The following COMMD10 variants were observed in gnomAD, a reference collection of about 807,000 sequenced individuals.
COMMD10 encodes COMM domain-containing protein 10.
In COMMD10, 33 loss-of-function variants were observed where a neutral mutation model predicts 28.9. The observed-to-expected ratio is 1.14, with a 90% CI of 0.87 to 1.53. The LOEUF is 1.53. Ranked by LOEUF, COMMD10 falls within the 40% of genes most tolerant of loss-of-function variation. The probability of loss-of-function intolerance (pLI) is 0.00; values close to 1 mark genes in which losing one functional copy is unlikely to be tolerated. For missense variants in COMMD10, 310 were observed against 233.4 expected, an observed-to-expected ratio of 1.33 and a Z score of -2.14; for synonymous variants, 110 against 81.7, an observed-to-expected ratio of 1.35 and a Z score of -1.87.
At chr5:116,146,989 A>G (rs11958647) in intron 5 of COMMD10, among the ~76,000 whole-genome samples, 29,666 of 151,830 alleles carry the variant, frequency 0.2, 4,535 homozygotes, top group African/African-American at 0.44. Context: ...AAAATGCTTT[A>G]AGGATTTAAT....
chr5:116,135,582 C>G (rs550509731), intron 5 of COMMD10, among the ~76,000 whole-genome samples: 1 of 152,250 alleles, frequency 6.6e-6, no homozygotes, highest in South Asian at 2.1e-4. Context: ...CGGTCAACTG[C>G]CGTTTGAAAT....
At chr5:116,283,026 C>T (rs998555658) in intron 5 of COMMD10, among the ~76,000 whole-genome samples, 2 of 151,892 alleles carry the variant, frequency 1.3e-5, no homozygotes, top group African/African-American at 4.9e-5. Flanking sequence ...TTCTGTAGAA[C>T]CAAGAATGGA....
chr5:116,144,786 G>A (rs1003711166), intron 5 of COMMD10, among the ~76,000 whole-genome samples: 1 of 151,848 alleles, frequency 6.6e-6, no homozygotes, highest in Non-Finnish European at 1.5e-5. Flanking sequence ...AAGAATATGA[G>A]GTGAGAGTGG....
intron 1 of COMMD10, chr5:116,085,450 G>A (rs1750062090): frequency 3.5e-6 from 1 of 289,124 alleles, no homozygotes; most frequent in Non-Finnish European, 6.5e-6. Context: ...ACGGTATTCC[G>A]TTTCCGATTT....
chr5:116,222,843 C>T (rs1223826568), intron 5 of COMMD10, among the ~76,000 whole-genome samples: 1 of 152,070 alleles, frequency 6.6e-6, no homozygotes, highest in African/African-American at 2.4e-5. Context: ...AGTTACATGC[C>T]ACCACGCCTG....
At chr5:116,255,959 T>C (rs890695846) in intron 5 of COMMD10, 2 of 151,636 alleles carry the variant, frequency 1.3e-5, no homozygotes, top group Non-Finnish European at 2.9e-5. Context: ...TTAGATCCAC[T>C]CTTAATTTTT....
chr5:116,271,476 C>G lies in COMMD10; in HGVS notation c.511-20041C>G, dbSNP rs189218696. On this transcript the variant is annotated intron_variant, in intron 5 of 6. Coordinates refer to ENST00000274458, the MANE Select transcript of COMMD10 (RefSeq NM_016144.4). ...TATACTTTTGTTTCCTATCTCAAAT[C>G]TAGTTTCTATTATGTAAGTATAAGT... 1.3e-5 allele frequency among the ~76,000 whole-genome samples: 2 copies of G among 151,516 alleles called. 1 individual carries two copies. The highest frequency in any genetic ancestry group is 4.9e-5 in the African/African-American group (2 of 41,108).
intron 5 of COMMD10, among the ~76,000 whole-genome samples, chr5:116,199,354 T>G (rs1369972224): frequency 6.6e-6 from 1 of 152,162 alleles, no homozygotes; most frequent in Non-Finnish European, 1.5e-5. Flanking sequence ...TGGATAACAT[T>G]CCTTTATATC....
At chr5:116,091,634 C>T (rs1750300271) in intron 3 of COMMD10, among the ~76,000 whole-genome samples, 1 of 152,024 alleles carries the variant, frequency 6.6e-6, no homozygotes, top group Non-Finnish European at 1.5e-5. Flanking sequence ...GAGCTGTGAC[C>T]CCTTATACTT....
At chr5:116,182,724 A>G (rs1748012657) in intron 5 of COMMD10, among the ~76,000 whole-genome samples, 2 of 152,118 alleles carry the variant, frequency 1.3e-5, no homozygotes, top group South Asian at 4.1e-4. Context: ...AGTGGAAAAA[A>G]TCAGGTTGTC....
At chr5:116,283,955 C>A (rs1210900362) in intron 5 of COMMD10, among the ~76,000 whole-genome samples, 1 of 151,608 alleles carries the variant, frequency 6.6e-6, no homozygotes, top group East Asian at 1.9e-4. Context: ...TATAGTGAGA[C>A]CCTGTCTCTA....
chr5:116,139,242 A>C (rs991188486), intron 5 of COMMD10, among the ~76,000 whole-genome samples: 1 of 151,778 alleles, frequency 6.6e-6, no homozygotes, highest in Non-Finnish European at 1.5e-5. Context: ...ACTAAGTTGA[A>C]ACAATTTTAC....
intron 4 of COMMD10, among the ~76,000 whole-genome samples, chr5:116,100,773 CATTT>C (rs532936225): frequency 7.3e-4 from 111 of 151,538 alleles, no homozygotes; most frequent in African/African-American, 2.4e-3. Flanking sequence ...TGTTTTTTGC[CATTT>C]ATTTATTTTT....
At chr5:116,248,034 TACTG>T (rs1341217630) in intron 5 of COMMD10, among the ~76,000 whole-genome samples, 1 of 151,700 alleles carries the variant, frequency 6.6e-6, no homozygotes, top group African/African-American at 2.4e-5. Flanking sequence ...TACAAAGAAT[TACTG>T]ACAGAAATTT....
chr5:116,153,759 T>G (rs1191004640), intron 5 of COMMD10, among the ~76,000 whole-genome samples: 4 of 152,152 alleles, frequency 2.6e-5, no homozygotes, highest in Admixed American at 6.6e-5. Context: ...TAATAAACCC[T>G]ATTCTTTATC....
chr5:116,090,146 G>GA (rs1750249102), intron 2 of COMMD10, among the ~76,000 whole-genome samples: 1 of 42,148 alleles, frequency 2.4e-5, no homozygotes, highest in Non-Finnish European at 4.8e-5. Context: ...TCAATATGAG[G>GA]GACTAAGACA....
At chr5:116,248,079 C>A (rs1750006579) in intron 5 of COMMD10, among the ~76,000 whole-genome samples, 1 of 151,534 alleles carries the variant, frequency 6.6e-6, no homozygotes, top group Non-Finnish European at 1.5e-5. Flanking sequence ...GAATCATATT[C>A]ACTGACCAAG....
chr5:116,207,143 A>C (rs967485276), intron 5 of COMMD10, among the ~76,000 whole-genome samples: 1 of 152,200 alleles, frequency 6.6e-6, no homozygotes, highest in African/African-American at 2.4e-5. Context: ...TTATTATATC[A>C]CTATGTCAGT....
chr5:116,273,499 T>G (rs1319938930), intron 5 of COMMD10, among the ~76,000 whole-genome samples: 1 of 151,980 alleles, frequency 6.6e-6, no homozygotes, highest in East Asian at 1.9e-4. Flanking sequence ...AAAATTATTA[T>G]TGAGAACTTT....
Sources: gnomAD v4.1 joint callset for allele counts (sites outside exome capture counted in the v4.1 genomes callset) on GRCh38, gnomAD v4.1.1 for gene constraint, MANE v1.5 for transcripts, NCBI Gene and HGNC (gene_info 2026-07-23, HGNC 2026-07-21) for gene names.